The following WDR64 variants were observed in gnomAD, a reference collection of about 807,000 sequenced individuals.
WDR64 encodes the protein WD repeat-containing protein 64.
In WDR64, 112 loss-of-function variants were observed where a neutral mutation model predicts 139.3. The observed-to-expected ratio is 0.80, with a 90% confidence interval of 0.69 to 0.94. The LOEUF (loss-of-function observed/expected upper bound fraction) is 0.94. WDR64 is among the 40% of genes least tolerant of loss of function. The pLI is 0.00. For synonymous variants in WDR64, 444 were observed against 437.7 expected, an observed-to-expected ratio of 1.01 and a Z score of -0.18; for missense variants, 1,206 against 1,293.1, an observed-to-expected ratio of 0.93 and a Z score of 1.03.
At position 241,679,541 on chromosome 1, in the gene WDR64, C is replaced by G; in HGVS notation, c.570C>G (p.Ala190=). Residue 190 remains alanine (A), a synonymous_variant, in exon 6 of 28, where the codon GCC becomes GCG. Coordinates refer to ENST00000437684, the MANE Select transcript of WDR64 (RefSeq NM_001367482.1). The part of the protein sequence containing the change: ...DYLLQLKRIV[A]TTERTIIVWD... ...TCTTGCAGCTGAAACGAATCGTAGC[C>G]ACAACCGAAAGGACCATTATTGTCT... 1 of 1,551,832 alleles carries G rather than the reference C, an allele frequency of 6.4e-7. No individual in the cohort carries two copies. Among genetic ancestry groups the G allele is most frequent in the Non-Finnish European group, 8.7e-7 (1 of 1,146,942 alleles).
At chr1:241,654,776 G>A (rs546446342) in intron 1 of WDR64, among the ~76,000 whole-genome samples, 59 of 152,208 alleles carry the variant, frequency 3.9e-4, no homozygotes, top group South Asian at 2.3e-3. Flanking sequence ...ATTAATATTT[G>A]CTTTCTGATG....
chr1:241,776,912 G>T (rs1350935645), intron 21 of WDR64, among the ~76,000 whole-genome samples: 1 of 152,064 alleles, frequency 6.6e-6, no homozygotes, highest in Non-Finnish European at 1.5e-5. Flanking sequence ...CCAGAAAATA[G>T]AGTGGGTTTG....
chr1:241,777,824 C>T (rs1658715158), intron 21 of WDR64, among the ~76,000 whole-genome samples: 1 of 152,158 alleles, frequency 6.6e-6, no homozygotes. Flanking sequence ...TGGGGATTTT[C>T]CAGTTGTCTT....
At chr1:241,741,959 G>GC (rs1669563838) in intron 12 of WDR64, among the ~76,000 whole-genome samples, 1 of 152,134 alleles carries the variant, frequency 6.6e-6, no homozygotes, top group Non-Finnish European at 1.5e-5. Context: ...TCTGCATTTT[G>GC]ATTTTTTTAA....
chr1:241,782,740 G>A (rs1168354994), intron 22 of WDR64, among the ~76,000 whole-genome samples: 1 of 152,134 alleles, frequency 6.6e-6, no homozygotes. Context: ...AGAGAATGAA[G>A]CTGAGTTTTA....
At chr1:241,712,788 A>G (rs1668225397) in intron 9 of WDR64, among the ~76,000 whole-genome samples, 1 of 150,944 alleles carries the variant, frequency 6.6e-6, no homozygotes, top group Non-Finnish European at 1.5e-5. Flanking sequence ...AGACTGCCCT[A>G]GGCAACATGA....
At position 241,723,378 on chromosome 1, in the gene WDR64, T is replaced by C; in HGVS notation, c.1136T>C (p.Ile379Thr). 1 of 1,613,976 alleles carries C rather than the reference T, an allele frequency of 6.2e-7. No homozygotes were observed. The highest frequency in any genetic ancestry group is 1.1e-5 in the South Asian group (1 of 91,060). ...VGKLVGHMFS[I>T]AEIVTNEKDQ... ...AAACTTGTAGGACACATGTTCAGTA[T>C]CGCCGAGATCGTAACCAATGAAAAA... Residue 379 changes from isoleucine to threonine, a missense_variant, in exon 10 of 28, where the codon ATC (isoleucine) becomes ACC (threonine). Transcript: ENST00000437684.
chr1:241,689,806 A>G (rs903360784), intron 8 of WDR64, among the ~76,000 whole-genome samples: 1 of 152,242 alleles, frequency 6.6e-6, no homozygotes, highest in Non-Finnish European at 1.5e-5. Context: ...AAACACTGAT[A>G]GAAATGAGTA....
intron 14 of WDR64, among the ~76,000 whole-genome samples, chr1:241,755,219 C>A (rs1284136540): frequency 6.6e-6 from 1 of 152,188 alleles, no homozygotes; most frequent in African/African-American, 2.4e-5. Context: ...TCTCCATATC[C>A]TCTCCAGCAT....
chr1:241,692,237 T>C (rs1475861234), intron 8 of WDR64, among the ~76,000 whole-genome samples: 1 of 152,182 alleles, frequency 6.6e-6, no homozygotes, highest in African/African-American at 2.4e-5. Flanking sequence ...CAACTTGATA[T>C]GTAGAGTCAA....
intron 2 of WDR64, among the ~76,000 whole-genome samples, chr1:241,666,284 T>C (rs12564480): frequency 0.16 from 23,853 of 152,178 alleles, 2,020 homozygotes; most frequent in East Asian, 0.26. Flanking sequence ...AAACGGGTAT[T>C]TGCTGCTCTT....
intron 15 of WDR64, among the ~76,000 whole-genome samples, chr1:241,765,906 G>A (rs1244979757): frequency 6.6e-6 from 1 of 152,146 alleles, no homozygotes; most frequent in African/African-American, 2.4e-5. Context: ...GACGAACGTA[G>A]AATATTCTTT....
chr1:241,683,203 A>T (rs890489652), intron 6 of WDR64, among the ~76,000 whole-genome samples: 12 of 152,190 alleles, frequency 7.9e-5, no homozygotes, highest in Non-Finnish European at 2.9e-5. Flanking sequence ...ATCCAAAAAA[A>T]GGCCATTTAC....
rs547413088 is a variant in WDR64 at position 241,682,600 on chromosome 1, G to T, written c.625-887G>T. On this transcript the variant is annotated intron_variant, in intron 6 of 27. Coordinates refer to ENST00000437684, the MANE Select transcript of WDR64 (RefSeq NM_001367482.1). Reference sequence around the variant, plus strand: ...TGTTCTTTTTGCTTAGTCTTGCTTTGCCTATGCAGGCTCTCTTTTGGCTCC... The same window carrying T: ...TGTTCTTTTTGCTTAGTCTTGCTTTTCCTATGCAGGCTCTCTTTTGGCTCC... 7.9e-5 allele frequency among the ~76,000 whole-genome samples: 12 copies of T among 152,276 alleles called. No individual in the cohort carries two copies. In the East Asian group the frequency reaches 9.6e-4, roughly 12 times the overall value.
chr1:241,733,546 T>G (rs1367053059), intron 10 of WDR64, among the ~76,000 whole-genome samples: 1 of 151,784 alleles, frequency 6.6e-6, no homozygotes, highest in African/African-American at 2.4e-5. Context: ...GAAGATAAAT[T>G]TTTAAAATAA....
rs4046210 is a variant in WDR64 at position 241,799,202 on chromosome 1, CAAAAAAA to C, written c.3193-1915_3193-1909del. Among the ~76,000 whole-genome samples, 15 of 33,328 alleles carry C rather than the reference CAAAAAAA, an allele frequency of 4.5e-4. No homozygotes were observed. The East Asian group carries it at 6.1e-3, about 14-fold the overall frequency. The allele number at this position is 33,328 out of a possible 152,430, so 21.9% of individuals were successfully genotyped here. A position where few individuals can be genotyped will look rare whatever the true frequency, so the allele number is the denominator to read the frequency against. On this transcript the variant is annotated intron_variant, in intron 27 of 27. Coordinates refer to ENST00000437684, the MANE Select transcript of WDR64 (RefSeq NM_001367482.1). ...GAAACACAGTGAGACTTTGTCTCTC[CAAAAAAA>C]AAAAAAAAAAAAAATACAAAAATTA...
chr1:241,682,658 T>C (rs1426519188), intron 6 of WDR64, among the ~76,000 whole-genome samples: 1 of 152,202 alleles, frequency 6.6e-6, no homozygotes, highest in Non-Finnish European at 1.5e-5. Context: ...TCTAGTTCAG[T>C]GAAGAATGAT....
chr1:241,747,721 C>T (rs1359059454), intron 13 of WDR64, among the ~76,000 whole-genome samples: 1 of 151,998 alleles, frequency 6.6e-6, no homozygotes, highest in Admixed American at 6.6e-5. Context: ...TTTTCTTGAA[C>T]CTATGCGAGA....
At chr1:241,784,976 A>AAAAAAAAAAAAAAAAAAG (rs138513526) in intron 23 of WDR64, among the ~76,000 whole-genome samples, 4,719 of 97,770 alleles carry the variant, frequency 0.048, 820 homozygotes, top group Non-Finnish European at 0.069. Context: ...AAAAAAAAAA[A>AAAAAAAAAAAAAAAAAAG]GAAAGGACAT....
Sources: gnomAD v4.1 joint callset for allele counts (sites outside exome capture counted in the v4.1 genomes callset) on GRCh38, gnomAD v4.1.1 for gene constraint, MANE v1.5 for transcripts, NCBI Gene and HGNC (gene_info 2026-07-23, HGNC 2026-07-21) for gene names.